CD44: variants seen among roughly 807,000 people sequenced by gnomAD.
The protein encoded by CD44 is CD44 molecule (IN blood group).
CD44 carries 49 observed loss-of-function variants against 88.8 expected under a neutral mutation model. That is an observed-to-expected ratio of 0.55 (90% CI 0.44 to 0.70). CD44 has a LOEUF of 0.70. Among genes scored for constraint, CD44 ranks in the 30% least tolerant of loss-of-function variants. The pLI is 0.00. For synonymous variants in CD44, 325 were observed against 312.3 expected (o/e 1.04, Z -0.43); for missense variants, 883 against 913.8 (o/e 0.97, Z 0.43).
intron 7 of CD44, among the ~76,000 whole-genome samples, chr11:35,198,839 C>T (rs931877252): frequency 6.6e-6 from 1 of 151,844 alleles, no homozygotes; most frequent in African/African-American, 2.4e-5. Flanking sequence ...ATTAACCAGG[C>T]GTAGTGGCGG....
chr11:35,214,937 C>A (rs1948700726), intron 15 of CD44, 23 bp downstream of exon 15: 7 of 1,470,352 alleles, frequency 4.8e-6, no homozygotes, highest in Non-Finnish European at 5.5e-6. Flanking sequence ...CTGCTTTAGT[C>A]ATTTACTGTT....
intron 17 of CD44, among the ~76,000 whole-genome samples, chr11:35,226,161 AG>A (rs1183121438): frequency 6.6e-6 from 1 of 152,232 alleles, no homozygotes; most frequent in East Asian, 1.9e-4. Flanking sequence ...ATAAATCCAA[AG>A]GGAAATGCAG....
intron 17 of CD44, among the ~76,000 whole-genome samples, chr11:35,226,445 C>G (rs1949693227): frequency 6.6e-6 from 1 of 152,176 alleles, no homozygotes; most frequent in South Asian, 2.1e-4. Flanking sequence ...AGTATTCTAC[C>G]TTGAGCCTTT....
intron 1 of CD44, among the ~76,000 whole-genome samples, chr11:35,166,638 C>A (rs1410667990): frequency 6.6e-6 from 1 of 152,212 alleles, no homozygotes. Flanking sequence ...AGGCTCCAGG[C>A]TCCACGGAAA....
chr11:35,182,426 G>A (rs1242188488), intron 3 of CD44, among the ~76,000 whole-genome samples: 1 of 152,004 alleles, frequency 6.6e-6, no homozygotes. Flanking sequence ...AGAGACATAC[G>A]AAACAGGAAC....
chr11:35,170,893 C>T (rs1040583686), intron 1 of CD44, among the ~76,000 whole-genome samples: 16 of 152,216 alleles, frequency 1.1e-4, no homozygotes, highest in Non-Finnish European at 1.9e-4. Context: ...TGGCTATTCA[C>T]ATCTTAACCT....
intron 1 of CD44, among the ~76,000 whole-genome samples, chr11:35,145,166 A>G (rs1008175126): frequency 4.6e-5 from 7 of 152,254 alleles, no homozygotes; most frequent in African/African-American, 1.7e-4. Context: ...ACAAATTCCA[A>G]TGTATCTTCT....
At chr11:35,153,179 T>C (rs1379840453) in intron 1 of CD44, among the ~76,000 whole-genome samples, 3 of 152,230 alleles carry the variant, frequency 2.0e-5, no homozygotes, top group Non-Finnish European at 4.4e-5. Context: ...TCCGGTTTCC[T>C]TTCATTTTAT....
In CD44 at chr11:35,213,936, C is replaced by A. The variant is rs1948628563; in HGVS notation, c.1811-916C>A. On this transcript the variant is annotated intron_variant, in intron 14 of 17. Coordinates refer to ENST00000428726, the MANE Select transcript of CD44 (RefSeq NM_000610.4). The stretch of plus-strand genomic sequence containing the variant: ...GTGACGATCAGGTTACTATAGATTC[C>A]TTATAAGGTGCCTTCATAATGGATA... 3 of 151,876 alleles carry A rather than the reference C, an allele frequency of 2.0e-5. No individual in the cohort carries two copies. In the South Asian group the frequency reaches 6.2e-4, roughly 32 times the overall value. 9.4% of individuals were successfully genotyped at this position (151,876 alleles called of 1,614,324 possible). A position where few individuals can be genotyped will look rare whatever the true frequency, so the allele number is the denominator to read the frequency against.
At chr11:35,186,678 G>A (rs1287707311) in intron 3 of CD44, among the ~76,000 whole-genome samples, 154 bp from the exon 4 acceptor site, 1 of 152,148 alleles carries the variant, frequency 6.6e-6, no homozygotes, top group Non-Finnish European at 1.5e-5. Context: ...ATCAGGAAAG[G>A]CAGAGAAATT....
rs761009096 is a variant in CD44 at position 35,206,121 on chromosome 11, C to T, written c.1292C>T (p.Ala431Val). The T allele has an allele frequency of 2.7e-5, 44 of 1,609,828 alleles. No individual in the cohort carries two copies. The highest frequency in any genetic ancestry group is 3.6e-5 in the Non-Finnish European group (43 of 1,178,134). ...HSTTGTAAAS[A>V]HTSHPMQGRT... ...AACTGCATGGTCACAGCAGCCTCAG[C>T]TCATACCAGCCATCCAATGCAAGGA... Residue 431 changes from alanine to valine, a missense_variant, in exon 11 of 18, where the codon GCT becomes GTT. Physicochemically the swap from Ala to Val is moderately conservative, Grantham distance 64. This residue lies in a region of CD44 where 631 missense variants were observed against 590.9 expected (regional missense o/e 1.07). Transcript: ENST00000428726.
At chr11:35,216,495 A>C (rs1021032294) in intron 15 of CD44, among the ~76,000 whole-genome samples, 1 of 152,202 alleles carries the variant, frequency 6.6e-6, no homozygotes, top group Non-Finnish European at 1.5e-5. Flanking sequence ...ATAACTCTCT[A>C]TGGAGGAGCA....
chr11:35,225,051 T>G (rs868718894), intron 17 of CD44, among the ~76,000 whole-genome samples: 16 of 126,742 alleles, frequency 1.3e-4, no homozygotes, highest in Admixed American at 7.2e-4. Flanking sequence ...TCTGTGATGA[T>G]GGAAATATTC....
At chr11:35,222,642 G>C (rs1213512605) in intron 17 of CD44, 1 of 789,050 alleles carries the variant, frequency 1.3e-6, no homozygotes, top group Non-Finnish European at 1.5e-6. Context: ...ATACACAATA[G>C]TAATTCTAGC....
chr11:35,228,629 T>C (rs750226435), intron 17 of CD44, among the ~76,000 whole-genome samples: 3 of 152,244 alleles, frequency 2.0e-5, no homozygotes, highest in Non-Finnish European at 2.9e-5. Context: ...CTTTCTTACT[T>C]GCTGAGTTAC....
chr11:35,201,026 T>A, intron 7 of CD44, 56 bp from the exon 8 acceptor site: 1 of 1,223,118 alleles, frequency 8.2e-7, no homozygotes, highest in East Asian at 2.3e-5. Context: ...GCGGGACAAG[T>A]GGCGAAGGCT....
At chr11:35,211,079 G>A (rs973971152) in intron 13 of CD44, among the ~76,000 whole-genome samples, 167 bp from the exon 14 acceptor site, 16 of 152,138 alleles carry the variant, frequency 1.1e-4, no homozygotes, top group Non-Finnish European at 2.1e-4. Flanking sequence ...AGTGTCTATT[G>A]CAAAATATTT....
chr11:35,191,220 C>A (rs1280868329), intron 5 of CD44, among the ~76,000 whole-genome samples: 1 of 152,184 alleles, frequency 6.6e-6, no homozygotes, highest in Non-Finnish European at 1.5e-5. Context: ...TTCCTTGTCA[C>A]CCAGAAGCCA....
intron 17 of CD44, among the ~76,000 whole-genome samples, chr11:35,228,775 G>C (rs954025578): frequency 2.0e-5 from 3 of 152,092 alleles, no homozygotes; most frequent in Non-Finnish European, 2.9e-5. Context: ...CCCCTGAGGG[G>C]TTGCAAATTT....
Sources: gnomAD v4.1 joint callset for allele counts (sites outside exome capture counted in the v4.1 genomes callset) on GRCh38, gnomAD v4.1.1 for gene constraint, gnomAD v4.1.1 regional missense constraint, MANE v1.5 for transcripts, NCBI Gene and HGNC (gene_info 2026-07-23, HGNC 2026-07-21) for gene names.